The following MYT1L variants were observed in gnomAD, a reference collection of about 807,000 sequenced individuals.
The protein encoded by MYT1L is myelin transcription factor 1-like protein.
Under a neutral mutation model 126.7 loss-of-function variants are expected in MYT1L, and 12 were observed. The observed-to-expected ratio is 0.09, with a 90% CI of 0.06 to 0.15. MYT1L has a LOEUF of 0.15. Ranked by LOEUF, MYT1L falls within the 10% of genes least tolerant of loss-of-function variation. The pLI is 1.00. For synonymous variants in MYT1L, 541 were observed against 604.2 expected, an observed-to-expected ratio of 0.90 and a Z score of 1.53; for missense variants, 979 against 1,585.2, an observed-to-expected ratio of 0.62 and a Z score of 6.49.
At position 1,979,853 on chromosome 2, in the gene MYT1L, C is replaced by A; in HGVS notation, c.1-76G>T. The stretch of plus-strand genomic sequence containing the variant: ...AGCCCTGCAGGGGCGGCTCACTCTC[C>A]CTGGCATTCTATTAATGGGGCTTTA... On this transcript the variant is annotated intron_variant, in intron 5 of 24. Coordinates refer to ENST00000647738, the MANE Select transcript of MYT1L (RefSeq NM_001303052.2). This position sits in a 1 kb window ranked among gnomAD's most constrained non-coding sequence, Gnocchi z 4.0. 1 of 1,455,282 alleles carries A rather than the reference C, an allele frequency of 6.9e-7. No homozygotes were observed. Among genetic ancestry groups the A allele is most frequent in the South Asian group, 1.2e-5 (1 of 86,186 alleles). 90.1% of individuals were successfully genotyped at this position (1,455,282 alleles called of 1,614,324 possible).
At chr2:2,193,507 G>A (rs1245512978) in intron 2 of MYT1L, among the ~76,000 whole-genome samples, 2 of 152,164 alleles carry the variant, frequency 1.3e-5, no homozygotes, top group African/African-American at 4.8e-5. Flanking sequence ...CAGTAAATGA[G>A]GCAAATGTGT....
intron 2 of MYT1L, among the ~76,000 whole-genome samples, chr2:2,199,126 G>A (rs188232200): frequency 5.8e-4 from 88 of 152,310 alleles, no homozygotes; most frequent in African/African-American, 2.1e-3. Flanking sequence ...CTTTGGAAAG[G>A]TTCAGAAGTG....
chr2:1,936,649 G>A lies in MYT1L; in HGVS notation c.505+6333C>T, dbSNP rs146772544. ...TTTTCTGCTGACTGCAGTGAAAACT[G>A]GTTGGCTAATTCTGCTTTTCACAGT... On this transcript the variant is annotated intron_variant, in intron 9 of 24. Transcript: ENST00000647738. 6.0e-3 allele frequency among the ~76,000 whole-genome samples: 906 copies of A among 152,260 alleles called. 7 individuals carry two copies. The highest frequency in any genetic ancestry group is 0.021 in the African/African-American group (855 of 41,546).
chr2:2,037,269 G>T (rs1017400730), intron 4 of MYT1L, among the ~76,000 whole-genome samples: 1 of 152,070 alleles, frequency 6.6e-6, no homozygotes, highest in Admixed American at 6.6e-5. Flanking sequence ...TAAGTTCTAC[G>T]GTAACTGGGA....
chr2:1,913,603 C>T (rs576427807), intron 11 of MYT1L, among the ~76,000 whole-genome samples: 9 of 152,214 alleles, frequency 5.9e-5, no homozygotes, highest in African/African-American at 9.6e-5. Flanking sequence ...CGTGTGACAA[C>T]AGCACACGAA....
intron 2 of MYT1L, among the ~76,000 whole-genome samples, chr2:2,183,195 C>T (rs1401735829): frequency 6.6e-6 from 1 of 152,164 alleles, no homozygotes; most frequent in East Asian, 1.9e-4. Flanking sequence ...ACCCAGCGAA[C>T]CTCCTGGCCT....
In MYT1L at chr2:1,910,440, G is replaced by C. The variant is rs1300682328; in HGVS notation, c.1710-93C>G. 2 of 1,184,158 alleles carry C rather than the reference G, an allele frequency of 1.7e-6. No homozygotes were observed. Among genetic ancestry groups the C allele is most frequent in the Admixed American group, 1.9e-5 (1 of 52,634 alleles). The allele number at this position is 1,184,158 out of a possible 1,614,324, so 73.4% of individuals were successfully genotyped here. A position where few individuals can be genotyped will look rare whatever the true frequency, so the allele number is the denominator to read the frequency against. On this transcript the variant is annotated intron_variant, in intron 12 of 24. Transcript: ENST00000647738. This position sits in a 1 kb window ranked among gnomAD's most constrained non-coding sequence, Gnocchi z 4.8. ...TAGCACCAAGACCCTGATGCAGGTG[G>C]AGCTGGTGAGGGAGGGGTAGTTTCC...
chr2:1,994,444 G>A (rs1032460087), intron 5 of MYT1L, among the ~76,000 whole-genome samples: 14 of 152,144 alleles, frequency 9.2e-5, no homozygotes, highest in African/African-American at 3.4e-4. Context: ...CCTCCTCCCA[G>A]CGAGTCCTCC....
chr2:2,126,271 A>G (rs976620499), intron 3 of MYT1L, among the ~76,000 whole-genome samples: 2 of 152,236 alleles, frequency 1.3e-5, no homozygotes, highest in Non-Finnish European at 2.9e-5. Flanking sequence ...TCAATAAACA[A>G]TGATCCTCAT....
chr2:2,171,896 C>T (rs1167229544), intron 3 of MYT1L, among the ~76,000 whole-genome samples: 3 of 152,068 alleles, frequency 2.0e-5, no homozygotes, highest in South Asian at 2.1e-4. Context: ...GCAAATGGGG[C>T]GGTCGGCAGA....
chr2:1,946,147 G>A (rs1398921675), intron 8 of MYT1L, among the ~76,000 whole-genome samples: 8 of 152,022 alleles, frequency 5.3e-5, no homozygotes. Context: ...ACTGAGAACT[G>A]TGTATGTGAG....
intron 23 of MYT1L, among the ~76,000 whole-genome samples, chr2:1,797,258 CT>C (rs953174462): frequency 1.6e-4 from 25 of 151,720 alleles, no homozygotes; most frequent in African/African-American, 3.9e-4. Flanking sequence ...GTCCGGACTT[CT>C]TTTTTTTTCT....
rs2056855214 is a variant in MYT1L, at chr2:1,943,208, A to G, written c.279T>C (p.Ser93=). 1 of 1,551,520 alleles carries G rather than the reference A, an allele frequency of 6.4e-7. No homozygotes were observed. Among genetic ancestry groups the G allele is most frequent in the Non-Finnish European group, 8.7e-7 (1 of 1,147,084 alleles). ...TCTCATCCATGTCCTCAGTCCCATC[A>G]CTGTCGTCACACTCATCCACTGAGG... The part of the protein sequence containing the change: ...DSSSVDECDD[S]DGTEDMDEKE... Residue 93 remains serine, a synonymous_variant, in exon 9 of 25, where the codon AGT becomes AGC. Coordinates refer to ENST00000647738, the MANE Select transcript of MYT1L (RefSeq NM_001303052.2). This position sits in a 1 kb window ranked among gnomAD's most constrained non-coding sequence, Gnocchi z 4.4.
intron 3 of MYT1L, among the ~76,000 whole-genome samples, chr2:2,110,076 G>A (rs1301073307): frequency 6.6e-6 from 1 of 151,606 alleles, no homozygotes; most frequent in Non-Finnish European, 1.5e-5. Context: ...GGTTGGACGT[G>A]CCTCCATGGT....
chr2:2,029,398 G>A (rs556625411), intron 4 of MYT1L, among the ~76,000 whole-genome samples: 7 of 152,296 alleles, frequency 4.6e-5, no homozygotes, highest in Admixed American at 1.3e-4. Flanking sequence ...GCAAAGTCAC[G>A]TCTTACATGG....
chr2:2,269,646 G>T (rs905848688), intron 2 of MYT1L, among the ~76,000 whole-genome samples: 2 of 152,156 alleles, frequency 1.3e-5, no homozygotes, highest in African/African-American at 4.8e-5. Flanking sequence ...CCATTGGTGA[G>T]CCCAGTAATC....
At position 1,903,151 on chromosome 2, in the gene MYT1L, T is replaced by C; in HGVS notation, c.1961A>G (p.His654Arg). 2.5e-6 allele frequency: 4 copies of C among 1,614,052 alleles called. No homozygotes were observed. Among genetic ancestry groups the C allele is most frequent in the Non-Finnish European group, 3.4e-6 (4 of 1,179,906 alleles). The stretch of plus-strand genomic sequence containing the variant: ...AGCTATGGCTCGCTTGCCATAAGTA[T>C]GGTTGTCGTAACTGTTGTATTCAAA... ...TSFEYNSYDN[H>R]TYGKRAIAPK... The change falls in exon 14 of 25, where the codon CAT (histidine) becomes CGT (arginine). Residue 654 changes from histidine (H) to arginine (R), a missense_variant. His to Arg is a conservative substitution (Grantham distance 29, BLOSUM62 0). This residue lies in a region of MYT1L where 82 missense variants were observed against 177.2 expected (regional missense o/e 0.46). Coordinates refer to ENST00000647738, the MANE Select transcript of MYT1L (RefSeq NM_001303052.2).
intron 21 of MYT1L, among the ~76,000 whole-genome samples, chr2:1,836,104 G>A (rs1209254061): frequency 6.6e-6 from 1 of 152,092 alleles, no homozygotes; most frequent in African/African-American, 2.4e-5. Context: ...GGAAGTGAGA[G>A]GCATACAGCT....
intron 4 of MYT1L, among the ~76,000 whole-genome samples, chr2:2,004,052 T>TGC (rs2062757591): frequency 1.3e-5 from 2 of 150,344 alleles, no homozygotes; most frequent in East Asian, 2.0e-4. Flanking sequence ...CTTTCCTGCA[T>TGC]ACTTTCCTGC....
Sources: allele counts gnomAD v4.1 joint callset (sites outside exome capture counted in the v4.1 genomes callset), GRCh38; gene constraint gnomAD v4.1.1; regional missense constraint gnomAD v4.1.1; non-coding constraint Gnocchi (gnomAD v3.1); transcripts MANE v1.5; gene names NCBI Gene and HGNC (gene_info 2026-07-23, HGNC 2026-07-21).